Variants in SH2B2 observed in about 807,000 individuals in gnomAD.
The protein encoded by SH2B2 is SH2B adapter protein 2.
A neutral mutation model predicts 35.7 loss-of-function variants in SH2B2; 37 were observed. The ratio of observed to expected loss-of-function variants is 1.04; its 90% confidence interval spans 0.80 to 1.36. The LOEUF (loss-of-function observed/expected upper bound fraction) is 1.36, where lower values mean the gene tolerates loss of function less well. SH2B2 is among the 40% of genes most tolerant of loss of function. SH2B2 has a pLI of 0.00. For synonymous variants in SH2B2, 383 were observed against 376.4 expected, an observed-to-expected ratio of 1.02 and a Z score of -0.20; for missense variants, 852 against 817.7, an observed-to-expected ratio of 1.04 and a Z score of -0.51.
upstream of SH2B2, chr7:102,285,233 G>C: frequency 6.4e-7 from 1 of 1,551,166 alleles, no homozygotes; most frequent in South Asian, 1.2e-5. Context: ...CCCAGCAGTG[G>C]AGTTCAGCCC....
rs1244364775 is a variant in SH2B2 at position 102,321,642 on chromosome 7, G to C, written c.*12G>C. The stretch of plus-strand genomic sequence containing the variant: ...ACTCCTTCTACTAGCCCGCGGCGCC[G>C]CCCGGGTGGGACACGCCAAGCTCTT... On this transcript the variant is annotated 3_prime_UTR_variant, in exon 9 of 9. Transcript: ENST00000444095. The C allele has an allele frequency of 7.9e-6, 9 of 1,136,562 alleles. No homozygotes were observed. Among genetic ancestry groups the C allele is most frequent in the Non-Finnish European group, 9.7e-6 (9 of 925,262 alleles). 70.4% of individuals were successfully genotyped at this position (1,136,562 alleles called of 1,614,324 possible).
Position 102,300,596 on chromosome 7 carries a change from G to C in SH2B2, c.46G>C (p.Val16Leu). ...PGPAAAAPVP[V>L]PVPVPDWRQF... ...CCCCGCCGCAGCCGCCCCGGTCCCA[G>C]TCCCGGTCCCGGTCCCGGACTGGCG... Residue 16 changes from valine (V) to leucine (L), a missense_variant, in exon 2 of 9, where the codon GTC becomes CTC. Val to Leu is a conservative substitution (Grantham distance 32). Around this residue, in one of 3 missense-constraint regions of SH2B2, gnomAD observed 294 missense variants for 286.6 expected, o/e 1.03. Coordinates refer to ENST00000444095, the MANE Select transcript of SH2B2 (RefSeq NM_001359228.2). The C allele has an allele frequency of 6.5e-7, 1 of 1,549,632 alleles. No individual in the cohort carries two copies. Among genetic ancestry groups the C allele is most frequent in the Non-Finnish European group, 8.7e-7 (1 of 1,146,146 alleles).
At chr7:102,294,865 TG>T (rs1161067699) in intron 1 of SH2B2, among the ~76,000 whole-genome samples, 1 of 152,214 alleles carries the variant, frequency 6.6e-6, no homozygotes, top group Non-Finnish European at 1.5e-5. Context: ...CTGGACCTAC[TG>T]AGGGCTTCTG....
chr7:102,300,403 T>C lies in SH2B2; in HGVS notation c.-29-119T>C, dbSNP rs564397088. The C allele has an allele frequency of 3.6e-5, 45 of 1,234,106 alleles. No homozygotes were observed. In the South Asian group the frequency reaches 6.6e-4, roughly 18 times the overall value. The allele number at this position is 1,234,106 out of a possible 1,614,324, so 76.4% of individuals were successfully genotyped here. A position where few individuals can be genotyped will look rare whatever the true frequency, so the allele number is the denominator to read the frequency against. On this transcript the variant is annotated intron_variant, in intron 1 of 8. Coordinates refer to ENST00000444095, the MANE Select transcript of SH2B2 (RefSeq NM_001359228.2). ...CTGCTGTAGTCCCACAACACACACG[T>C]GTGCATGTACACACACACCCACACA...
At chr7:102,303,338 G>C (rs1793268322) in intron 2 of SH2B2, among the ~76,000 whole-genome samples, 1 of 152,112 alleles carries the variant, frequency 6.6e-6, no homozygotes, top group Non-Finnish European at 1.5e-5. Context: ...GGTTTTGCTG[G>C]TGCAGCAGCC....
intron 6 of SH2B2, among the ~76,000 whole-genome samples, chr7:102,316,607 C>T (rs534722438): frequency 6.9e-4 from 90 of 130,322 alleles, no homozygotes; most frequent in African/African-American, 2.4e-3. Flanking sequence ...ATATTCAGGC[C>T]AGGTGCAGTG....
At position 102,300,654 on chromosome 7, in the gene SH2B2, C is replaced by A; in HGVS notation, c.104C>A (p.Ala35Asp). The A allele has an allele frequency of 6.5e-7, 1 of 1,549,778 alleles. No homozygotes were observed. Among genetic ancestry groups the A allele is most frequent in the South Asian group, 1.2e-5 (1 of 84,198 alleles). ...QFCELHAQAA[A>D]VDFAHKFCRF... Reference sequence around the variant, plus strand: ...TGCGAGCTGCATGCGCAGGCGGCCGCCGTGGACTTTGCGCACAAGTTCTGC... The same window carrying A: ...TGCGAGCTGCATGCGCAGGCGGCCGACGTGGACTTTGCGCACAAGTTCTGC... Residue 35 changes from alanine to aspartate, a missense_variant, in exon 2 of 9, where the codon GCC becomes GAC. This residue lies in a region of SH2B2 where 294 missense variants were observed against 286.6 expected (regional missense o/e 1.03). Coordinates refer to ENST00000444095, the MANE Select transcript of SH2B2 (RefSeq NM_001359228.2).
At chr7:102,301,395 GT>G in intron 2 of SH2B2, 116 bp downstream of exon 2, 1 of 1,268,634 alleles carries the variant, frequency 7.9e-7, no homozygotes, top group South Asian at 1.6e-5. Context: ...GGTTGACAGG[GT>G]GAAGTATTTG....
In SH2B2 at chr7:102,320,367, C is replaced by A; in HGVS notation, c.1432C>A (p.His478Asn). ...RLSLNGHGQC[H>N]VQHLWFQSVL... ...GTCCCTGAACGGCCACGGCCAGTGT[C>A]ACGTACAGCATCTGTGGTTCCAGTC... Residue 478 changes from histidine to asparagine, a missense_variant, in exon 8 of 9, where the codon CAC becomes AAC. His to Asn is a moderately conservative substitution (Grantham distance 68). Coordinates refer to ENST00000444095, the MANE Select transcript of SH2B2 (RefSeq NM_001359228.2). 1 of 1,613,184 alleles carries A rather than the reference C, an allele frequency of 6.2e-7. No homozygotes were observed. Among genetic ancestry groups the A allele is most frequent in the Non-Finnish European group, 8.5e-7 (1 of 1,179,874 alleles).
Position 102,300,589 on chromosome 7 carries a change from GGTCCCA to G in SH2B2, c.45_50del (p.Val20_Pro21del), listed in dbSNP as rs1404603448. 36 of 1,549,676 alleles carry G rather than the reference GGTCCCA, an allele frequency of 2.3e-5. No homozygotes were observed. Among genetic ancestry groups the G allele is most frequent in the South Asian group, 6.0e-5 (5 of 83,868 alleles). ...GCCCTGGCCCCGCCGCAGCCGCCCC[GGTCCCA>G]GTCCCGGTCCCGGTCCCGGACTGGC... is the stretch of plus-strand genomic sequence containing the variant. On this transcript the variant is annotated inframe_deletion, in exon 2 of 9. Coordinates refer to ENST00000444095, the MANE Select transcript of SH2B2 (RefSeq NM_001359228.2).
intron 8 of SH2B2, 109 bp downstream of exon 8, chr7:102,320,611 C>A: frequency 7.2e-6 from 10 of 1,393,068 alleles, no homozygotes; most frequent in Non-Finnish European, 9.6e-6. Context: ...TGTCCCATAG[C>A]CTCAGCCGTG....
At chr7:102,301,595 T>A (rs782111490) in intron 2 of SH2B2, among the ~76,000 whole-genome samples, 4 of 151,908 alleles carry the variant, frequency 2.6e-5, no homozygotes, top group Non-Finnish European at 4.4e-5. Context: ...CGCGCGTGTG[T>A]GTGTGTCCCT....
At chr7:102,317,021 T>C in intron 6 of SH2B2, 166 bp from the exon 7 acceptor site, 1 of 608,454 alleles carries the variant, frequency 1.6e-6, no homozygotes, top group Non-Finnish European at 2.8e-6. Context: ...AAACTTCGTC[T>C]CAAAAAAAAA....
In SH2B2 at chr7:102,301,240, C is replaced by G. The variant is rs782796671; in HGVS notation, c.690C>G (p.Ala230=). The change falls in exon 2 of 9, where the codon GCC becomes GCG. Residue 230 remains alanine (A), a synonymous_variant. Coordinates refer to ENST00000444095, the MANE Select transcript of SH2B2 (RefSeq NM_001359228.2). ...GCCTGCTCCTGCGCAGGGCTGTGGCCGAGGAACGCTTCCGCCTGGAGTTCT... is the reference window on the plus strand; with the variant it reads ...GCCTGCTCCTGCGCAGGGCTGTGGCGGAGGAACGCTTCCGCCTGGAGTTCT... ...KCRLLLRRAV[A]EERFRLEFFV... is the part of the protein sequence containing the mutation. 1 of 1,604,068 alleles carries G rather than the reference C, an allele frequency of 6.2e-7. No individual in the cohort carries two copies. Among genetic ancestry groups the G allele is most frequent in the African/African-American group, 1.3e-5 (1 of 74,212 alleles).
intron 8 of SH2B2, 92 bp downstream of exon 8, chr7:102,320,594 GGTCTCCT>G: frequency 6.8e-7 from 1 of 1,477,874 alleles, no homozygotes; most frequent in Middle Eastern, 1.8e-4. Flanking sequence ...ATGAGCCCCA[GGTCTCCT>G]GTCCCATAGC....
chr7:102,300,415 C>A, intron 1 of SH2B2, 107 bp from the exon 2 acceptor site: 1 of 1,309,162 alleles, frequency 7.6e-7, no homozygotes, highest in Non-Finnish European at 1.0e-6. Context: ...TGCATGTACA[C>A]ACACACCCAC....
At chr7:102,320,875 C>T (rs1396715605) in intron 8 of SH2B2, among the ~76,000 whole-genome samples, 3 of 152,154 alleles carry the variant, frequency 2.0e-5, no homozygotes, top group South Asian at 2.1e-4. Context: ...CTGCTGGGAC[C>T]GAGCACTAAG....
At position 102,300,149 on chromosome 7, in the gene SH2B2, G is replaced by A. The variant is rs1335915795; in HGVS notation, c.-29-373G>A. 1.3e-5 allele frequency among the ~76,000 whole-genome samples: 2 copies of A among 152,188 alleles called. 1 individual carries two copies. The highest frequency in any genetic ancestry group is 6.3e-3 in the Middle Eastern group (2 of 316). ...AGCAGTTCTCCTGCCTCAGCCTTTC[G>A]ATGGCTAGGGTTACAGCGTGCACCA... On this transcript the variant is annotated intron_variant, in intron 1 of 8. Coordinates refer to ENST00000444095, the MANE Select transcript of SH2B2 (RefSeq NM_001359228.2).
chr7:102,303,096 A>C (rs567258045), intron 2 of SH2B2, among the ~76,000 whole-genome samples: 2 of 152,050 alleles, frequency 1.3e-5, no homozygotes, highest in South Asian at 2.1e-4. Flanking sequence ...ACATGCCTGT[A>C]ATCACAGCTA....
Sources: gnomAD v4.1 joint callset for allele counts (sites outside exome capture counted in the v4.1 genomes callset) on GRCh38, gnomAD v4.1.1 for gene constraint, gnomAD v4.1.1 regional missense constraint, MANE v1.5 for transcripts, NCBI Gene and HGNC (gene_info 2026-07-23, HGNC 2026-07-21) for gene names.